The following GPC6 variants were observed in gnomAD, a reference collection of about 807,000 sequenced individuals.
GPC6 encodes the protein glypican 6.
GPC6 carries 14 observed loss-of-function variants against 55.2 expected under a neutral mutation model. The observed-to-expected ratio is 0.25, with a 90% CI of 0.17 to 0.40. The LOEUF is 0.40. Ranked by LOEUF, GPC6 falls within the 10% of genes least tolerant of loss-of-function variation. The probability of loss-of-function intolerance (pLI) is 1.00; values close to 1 mark genes in which losing one functional copy is unlikely to be tolerated. For missense variants in GPC6, 641 were observed against 708.5 expected (o/e 0.90, Z 1.08); for synonymous variants, 278 against 259.6 (o/e 1.07, Z -0.68).
chr13:93,544,015 A>G (rs1882438496), intron 1 of GPC6, among the ~76,000 whole-genome samples: 1 of 151,494 alleles, frequency 6.6e-6, no homozygotes, highest in African/African-American at 2.4e-5. Flanking sequence ...CTGGGGTGAG[A>G]TGATACATCA....
intron 3 of GPC6, among the ~76,000 whole-genome samples, chr13:93,923,109 G>C (rs191613353): frequency 1.3e-5 from 2 of 152,276 alleles, no homozygotes; most frequent in Admixed American, 6.5e-5. Context: ...TTTTCCTTTT[G>C]AACAGCCTCT....
intron 2 of GPC6, among the ~76,000 whole-genome samples, chr13:93,635,589 AT>A (rs1201043874): frequency 6.6e-6 from 1 of 152,190 alleles, no homozygotes; most frequent in Non-Finnish European, 1.5e-5. Context: ...TAGTTCAAAT[AT>A]TCGCCTTCTG....
At chr13:93,411,871 T>C (rs1876507185) in intron 1 of GPC6, among the ~76,000 whole-genome samples, 1 of 151,728 alleles carries the variant, frequency 6.6e-6, no homozygotes, top group African/African-American at 2.4e-5. Context: ...GGCTTGGTGG[T>C]GCACACCTGT....
chr13:93,922,474 A>C (rs1305197855), intron 3 of GPC6, among the ~76,000 whole-genome samples: 5 of 152,120 alleles, frequency 3.3e-5, no homozygotes. Flanking sequence ...GATTTCTCAA[A>C]CTTGGCACTG....
chr13:93,974,053 C>G (rs756274801), intron 3 of GPC6, among the ~76,000 whole-genome samples: 1 of 152,152 alleles, frequency 6.6e-6, no homozygotes, highest in Non-Finnish European at 1.5e-5. Flanking sequence ...ATTGCTTAAA[C>G]ATCGTTTTCT....
intron 1 of GPC6, among the ~76,000 whole-genome samples, chr13:93,314,781 A>T (rs1879192469): frequency 6.6e-6 from 1 of 150,806 alleles, no homozygotes; most frequent in South Asian, 2.1e-4. Context: ...AGAAATGAGG[A>T]GATTGGTTAT....
intron 4 of GPC6, among the ~76,000 whole-genome samples, chr13:94,121,276 T>C (rs1030529241): frequency 2.6e-5 from 4 of 152,122 alleles, no homozygotes; most frequent in Non-Finnish European, 4.4e-5. Flanking sequence ...GTGGGCCCTG[T>C]AGAAGCACAG....
chr13:93,603,246 G>T (rs1161723293), intron 2 of GPC6, among the ~76,000 whole-genome samples: 1 of 152,006 alleles, frequency 6.6e-6, no homozygotes, highest in Non-Finnish European at 1.5e-5. Context: ...AAATTCAAGC[G>T]ATCTGCCCAC....
chr13:94,287,825 C>A (rs1043052695), intron 5 of GPC6, among the ~76,000 whole-genome samples: 3 of 152,138 alleles, frequency 2.0e-5, no homozygotes, highest in African/African-American at 7.2e-5. Flanking sequence ...CGTTGGTGCT[C>A]AAGTAATCAG....
chr13:93,422,218 AG>A (rs1229039989), intron 1 of GPC6, among the ~76,000 whole-genome samples: 7 of 152,278 alleles, frequency 4.6e-5, no homozygotes, highest in Non-Finnish European at 8.8e-5. Flanking sequence ...CAAATGGAAA[AG>A]TCTTCTAAGC....
chr13:93,605,246 A>C (rs1446596518), intron 2 of GPC6, among the ~76,000 whole-genome samples: 3 of 152,184 alleles, frequency 2.0e-5, no homozygotes, highest in Non-Finnish European at 2.9e-5. Flanking sequence ...ATATTAATGC[A>C]AATCCTACAA....
At chr13:93,565,158 T>C (rs1241728426) in intron 2 of GPC6, among the ~76,000 whole-genome samples, 1 of 152,188 alleles carries the variant, frequency 6.6e-6, no homozygotes, top group Non-Finnish European at 1.5e-5. Context: ...CTGACTTCAG[T>C]GCCTTTAACT....
At chr13:94,141,505 T>A (rs1303804754) in intron 4 of GPC6, among the ~76,000 whole-genome samples, 1 of 152,154 alleles carries the variant, frequency 6.6e-6, no homozygotes, top group Non-Finnish European at 1.5e-5. Flanking sequence ...TGGTCAGTTG[T>A]GCCTAAACTC....
At chr13:93,833,021 T>C (rs546513093) in intron 3 of GPC6, among the ~76,000 whole-genome samples, 3 of 151,282 alleles carry the variant, frequency 2.0e-5, no homozygotes, top group Non-Finnish European at 4.4e-5. Context: ...AGCCCCATCC[T>C]GACATTTGGG....
intron 1 of GPC6, among the ~76,000 whole-genome samples, chr13:93,505,073 G>A (rs1880657768): frequency 6.6e-6 from 1 of 152,148 alleles, no homozygotes; most frequent in South Asian, 2.1e-4. Context: ...GGAAACGGAT[G>A]TGAAAGGAAT....
chr13:93,913,036 A>G (rs763443573), intron 3 of GPC6, among the ~76,000 whole-genome samples: 2 of 152,204 alleles, frequency 1.3e-5, no homozygotes, highest in African/African-American at 2.4e-5. Flanking sequence ...CTATTTCAAT[A>G]TGACCTCATT....
intron 4 of GPC6, among the ~76,000 whole-genome samples, chr13:94,140,456 T>C (rs924828032): frequency 6.6e-6 from 1 of 152,224 alleles, no homozygotes; most frequent in African/African-American, 2.4e-5. Flanking sequence ...GAAAAAATTA[T>C]GAAACTCCCA....
intron 6 of GPC6, among the ~76,000 whole-genome samples, chr13:94,353,883 A>C (rs1451212167): frequency 6.6e-6 from 1 of 152,212 alleles, no homozygotes; most frequent in Non-Finnish European, 1.5e-5. Context: ...CTCTTCCAAA[A>C]AGTGGTACTC....
chr13:93,876,833 A>G (rs1480978026), intron 3 of GPC6, among the ~76,000 whole-genome samples: 5 of 152,080 alleles, frequency 3.3e-5, no homozygotes, highest in African/African-American at 9.7e-5. Flanking sequence ...CTCATTTAAT[A>G]TTGCACATGG....
Sources: allele counts gnomAD v4.1 joint callset (sites outside exome capture counted in the v4.1 genomes callset), GRCh38; gene constraint gnomAD v4.1.1; transcripts MANE v1.5; gene names NCBI Gene and HGNC (gene_info 2026-07-23, HGNC 2026-07-21).